The following BRIP1 variants were observed in gnomAD, a reference collection of about 807,000 sequenced individuals.
The protein encoded by BRIP1 is BRCA1 interacting DNA helicase 1, also known as Fanconi anemia group J protein.
In BRIP1, 88 loss-of-function variants were observed where a neutral mutation model predicts 119.7. The ratio of observed to expected loss-of-function variants is 0.74; its 90% CI spans 0.62 to 0.88. The LOEUF is 0.88. Ranked by LOEUF, BRIP1 falls within the 40% of genes least tolerant of loss-of-function variation. BRIP1 has a pLI of 0.00. For missense variants in BRIP1, 1,259 were observed against 1,455.4 expected (o/e 0.87, Z 2.20); for synonymous variants, 443 against 496.5 (o/e 0.89, Z 1.43).
In BRIP1 at chr17:61,832,814, A is replaced by G. The variant is rs1195882715; in HGVS notation, c.627+14287T>C. 1.3e-5 allele frequency among the ~76,000 whole-genome samples: 2 copies of G among 152,242 alleles called. No homozygotes were observed. Among genetic ancestry groups the G allele is most frequent in the Non-Finnish European group, 2.9e-5 (2 of 68,032 alleles). ...CGGTTCTGAGTATTAGATGGCAACA[A>G]TGAATCAATTTTAACTTCCTGATTC... is the stretch of plus-strand genomic sequence containing the variant. On this transcript the variant is annotated intron_variant, in intron 6 of 19. Transcript: ENST00000259008. This position sits in a 1 kb window ranked among gnomAD's most constrained non-coding sequence, Gnocchi z 5.5.
chr17:61,849,049 G>A (rs2145759106), intron 5 of BRIP1, 80 bp downstream of exon 5: 1 of 1,466,514 alleles, frequency 6.8e-7, no homozygotes, highest in Non-Finnish European at 9.5e-7. Flanking sequence ...ATCTCCACAA[G>A]TGCATTAAAA....
At chr17:61,723,383 T>A (rs1042665269) in intron 16 of BRIP1, among the ~76,000 whole-genome samples, 1 of 152,212 alleles carries the variant, frequency 6.6e-6, no homozygotes, top group Admixed American at 6.5e-5. Flanking sequence ...ATAGTTTCAA[T>A]GTGCACCACC....
chr17:61,844,720 G>C lies in BRIP1; in HGVS notation c.627+2381C>G, dbSNP rs186033530. On this transcript the variant is annotated intron_variant, in intron 6 of 19. Coordinates refer to ENST00000259008, the MANE Select transcript of BRIP1 (RefSeq NM_032043.3). This position sits in a 1 kb window ranked among gnomAD's most constrained non-coding sequence, Gnocchi z 4.7. ...TATCTTGGTGTTAGAACCCTATTTA[G>C]GTGGCTCCAGGACTGCAAAGAGGCA... Among the ~76,000 whole-genome samples the C allele has an allele frequency of 6.6e-6, 1 of 152,176 alleles. No homozygotes were observed. Among genetic ancestry groups the C allele is most frequent in the Non-Finnish European group, 1.5e-5 (1 of 68,040 alleles).
chr17:61,764,192 G>C (rs1459796054), intron 14 of BRIP1, among the ~76,000 whole-genome samples: 1 of 152,092 alleles, frequency 6.6e-6, no homozygotes, highest in Non-Finnish European at 1.5e-5. Flanking sequence ...GCATCTGTTG[G>C]GTCCCCTTGC....
chr17:61,788,389 A>C (rs1207417113), intron 10 of BRIP1, among the ~76,000 whole-genome samples: 2 of 152,300 alleles, frequency 1.3e-5, no homozygotes, highest in East Asian at 3.8e-4. Context: ...ATGTAAATGC[A>C]TGAATTCTTT....
At chr17:61,858,298 C>A (rs2078925806) in intron 3 of BRIP1, among the ~76,000 whole-genome samples, 1 of 152,002 alleles carries the variant, frequency 6.6e-6, no homozygotes, top group Non-Finnish European at 1.5e-5. Flanking sequence ...GAAGTTAGTA[C>A]CGATAAACTC....
Position 61,860,015 on chromosome 17 carries a change from G to A in BRIP1, c.94-108C>T. 1 of 757,018 alleles carries A rather than the reference G, an allele frequency of 1.3e-6. No homozygotes were observed. The highest frequency in any genetic ancestry group is 2.3e-6 in the Non-Finnish European group (1 of 431,712). The allele number at this position is 757,018 out of a possible 1,614,324, so 46.9% of individuals were successfully genotyped here. ...CAAGGAAAAGTGAGATTGCACTCCA[G>A]GGAACACAACAATAGCAGAAGGAAC... is the stretch of plus-strand genomic sequence containing the variant. On this transcript the variant is annotated intron_variant, in intron 2 of 19. Transcript: ENST00000259008. This position sits in a 1 kb window ranked among gnomAD's most constrained non-coding sequence, Gnocchi z 4.1.
At chr17:61,838,932 A>G (rs187309445) in intron 6 of BRIP1, among the ~76,000 whole-genome samples, 49 of 152,246 alleles carry the variant, frequency 3.2e-4, no homozygotes, top group African/African-American at 1.1e-3. Context: ...ATTAATACAC[A>G]TGAAACTATT....
At position 61,748,179 on chromosome 17, in the gene BRIP1, A is replaced by C. The variant is rs2077084311; in HGVS notation, c.2098-3588T>G. 6.6e-6 allele frequency among the ~76,000 whole-genome samples: 1 copy of C among 152,230 alleles called. No individual in the cohort carries two copies. Among genetic ancestry groups the C allele is most frequent in the African/African-American group, 2.4e-5 (1 of 41,456 alleles). On this transcript the variant is annotated intron_variant, in intron 14 of 19. Coordinates refer to ENST00000259008, the MANE Select transcript of BRIP1 (RefSeq NM_032043.3). The surrounding 1 kb of genome is among the most constrained non-coding windows in gnomAD (Gnocchi z 4.7). ...AGTCTCCTGTCAGATCAGCAGCAGCATTATATTCTCATAGGGGTACAAACA... is the reference window on the plus strand; with the variant it reads ...AGTCTCCTGTCAGATCAGCAGCAGCCTTATATTCTCATAGGGGTACAAACA...
Position 61,780,143 on chromosome 17 carries a change from T to A in BRIP1, c.1935+118A>T. 1 of 1,093,808 alleles carries A rather than the reference T, an allele frequency of 9.1e-7. No homozygotes were observed. The highest frequency in any genetic ancestry group is 1.4e-5 in the South Asian group (1 of 73,496). The allele number at this position is 1,093,808 out of a possible 1,614,324, so 67.8% of individuals were successfully genotyped here. Reference sequence around the variant, plus strand: ...ATTTTCTTTTATTGTAAAACTGGAATGTTGAATTTCCTACCAAGATTTACT... The same window carrying A: ...ATTTTCTTTTATTGTAAAACTGGAAAGTTGAATTTCCTACCAAGATTTACT... On this transcript the variant is annotated intron_variant, in intron 13 of 19. Coordinates refer to ENST00000259008, the MANE Select transcript of BRIP1 (RefSeq NM_032043.3). The surrounding 1 kb of genome is among the most constrained non-coding windows in gnomAD (Gnocchi z 5.4).
In BRIP1 at chr17:61,794,849, T is replaced by C. The variant is rs544941439; in HGVS notation, c.1341-1120A>G. 8.8e-6 allele frequency among the ~76,000 whole-genome samples: 1 copy of C among 113,164 alleles called. No individual in the cohort carries two copies. The highest frequency in any genetic ancestry group is 2.6e-4 in the East Asian group (1 of 3,788). The allele number at this position is 113,164 out of a possible 152,430, so 74.2% of individuals were successfully genotyped here. A position where few individuals can be genotyped will look rare whatever the true frequency, so the allele number is the denominator to read the frequency against. ...TATTCTAATAACTGAATGCAAAAAG[T>C]ATCCAGTCATGGGAGAATCAGAAGA... On this transcript the variant is annotated intron_variant, in intron 9 of 19. Coordinates refer to ENST00000259008, the MANE Select transcript of BRIP1 (RefSeq NM_032043.3). The surrounding 1 kb of genome is among the most constrained non-coding windows in gnomAD (Gnocchi z 4.3).
chr17:61,771,616 A>T (rs143031266), intron 14 of BRIP1, among the ~76,000 whole-genome samples: 1 of 152,180 alleles, frequency 6.6e-6, no homozygotes, highest in East Asian at 1.9e-4. Context: ...GCTGATGGGA[A>T]TCTAAATTAT....
rs149868841 is a variant in BRIP1 at position 61,831,140 on chromosome 17, T to C, written c.627+15961A>G. On this transcript the variant is annotated intron_variant, in intron 6 of 19. Transcript: ENST00000259008. The surrounding 1 kb of genome is among the most constrained non-coding windows in gnomAD (Gnocchi z 4.1). Reference sequence around the variant, plus strand: ...AACTTCTTTAGCCTGACAAAGGGCATAGACAGAACACCTAGCACAAATGTC... The same window carrying C: ...AACTTCTTTAGCCTGACAAAGGGCACAGACAGAACACCTAGCACAAATGTC... Among the ~76,000 whole-genome samples, 1 of 152,336 alleles carries C rather than the reference T, an allele frequency of 6.6e-6. No individual in the cohort carries two copies.
chr17:61,739,581 A>T lies in BRIP1; in HGVS notation c.2379+3432T>A, dbSNP rs2076960810. Among the ~76,000 whole-genome samples the T allele has an allele frequency of 6.6e-6, 1 of 152,204 alleles. No homozygotes were observed. The highest frequency in any genetic ancestry group is 2.1e-4 in the South Asian group (1 of 4,828). On this transcript the variant is annotated intron_variant, in intron 16 of 19. Coordinates refer to ENST00000259008, the MANE Select transcript of BRIP1 (RefSeq NM_032043.3). This position sits in a 1 kb window ranked among gnomAD's most constrained non-coding sequence, Gnocchi z 6.0. ...AATACTGCTTATTACTGTTAATGTT[A>T]CCTAAAGACTGCTACGGACTAGAAA...
In BRIP1 at chr17:61,745,022, C is replaced by A. The variant is rs1309658281; in HGVS notation, c.2098-431G>T. 6.6e-5 allele frequency among the ~76,000 whole-genome samples: 10 copies of A among 152,008 alleles called. No individual in the cohort carries two copies. The highest frequency in any genetic ancestry group is 1.9e-4 in the East Asian group (1 of 5,192). ...ACAAACTTTAAGTTCTCTCTTTAAA[C>A]CTAAGGTGAAGTTTCTTAATATTCT... On this transcript the variant is annotated intron_variant, in intron 14 of 19. Transcript: ENST00000259008. The surrounding 1 kb of genome is among the most constrained non-coding windows in gnomAD (Gnocchi z 4.4).
chr17:61,760,651 A>G lies in BRIP1; in HGVS notation c.2097+15750T>C, dbSNP rs1186930129. Among the ~76,000 whole-genome samples, 1 of 151,964 alleles carries G rather than the reference A, an allele frequency of 6.6e-6. No individual in the cohort carries two copies. The highest frequency in any genetic ancestry group is 1.5e-5 in the Non-Finnish European group (1 of 67,868). ...GGATCAAAGTGACTATTACAATTATATGCCAACAAAATAAACTGGATACCT... is the reference window on the plus strand; with the variant it reads ...GGATCAAAGTGACTATTACAATTATGTGCCAACAAAATAAACTGGATACCT... On this transcript the variant is annotated intron_variant, in intron 14 of 19. Coordinates refer to ENST00000259008, the MANE Select transcript of BRIP1 (RefSeq NM_032043.3). This position sits in a 1 kb window ranked among gnomAD's most constrained non-coding sequence, Gnocchi z 4.6.
intron 4 of BRIP1, among the ~76,000 whole-genome samples, chr17:61,854,724 A>G (rs977525619): frequency 3.5e-5 from 5 of 143,484 alleles, no homozygotes; most frequent in African/African-American, 1.3e-4. Flanking sequence ...AAAAAAAAAA[A>G]GTTAAAACAT....
In BRIP1 at chr17:61,742,316, A is replaced by G. The variant is rs767706900; in HGVS notation, c.2379+697T>C. Among the ~76,000 whole-genome samples, 6 of 152,214 alleles carry G rather than the reference A, an allele frequency of 3.9e-5. No homozygotes were observed. Among genetic ancestry groups the G allele is most frequent in the Non-Finnish European group, 5.9e-5 (4 of 68,042 alleles). On this transcript the variant is annotated intron_variant, in intron 16 of 19. Transcript: ENST00000259008. This position sits in a 1 kb window ranked among gnomAD's most constrained non-coding sequence, Gnocchi z 4.7. ...CACTAAACCTTTCTCTATATCAGTA[A>G]TAAGACTGTTTGCTTATTATTTGTA...
In BRIP1 at chr17:61,861,588, T is replaced by C. The variant is rs772848793; in HGVS notation, c.-30-19A>G. ...TTCCTAACTACAACAGAAATGAAAA[T>C]GTCAAATATTGAGACACGCCTTACA... On this transcript the variant is annotated intron_variant, in intron 1 of 19. Coordinates refer to ENST00000259008, the MANE Select transcript of BRIP1 (RefSeq NM_032043.3). This position sits in a 1 kb window ranked among gnomAD's most constrained non-coding sequence, Gnocchi z 4.5. The C allele has an allele frequency of 8.0e-6, 11 of 1,376,686 alleles. No homozygotes were observed. The highest frequency in any genetic ancestry group is 3.1e-6 in the Non-Finnish European group (3 of 964,890). 85.3% of individuals were successfully genotyped at this position (1,376,686 alleles called of 1,614,324 possible). A position where few individuals can be genotyped will look rare whatever the true frequency, so the allele number is the denominator to read the frequency against.
Sources: allele counts gnomAD v4.1 joint callset (sites outside exome capture counted in the v4.1 genomes callset), GRCh38; gene constraint gnomAD v4.1.1; non-coding constraint Gnocchi (gnomAD v3.1); transcripts MANE v1.5; gene names NCBI Gene and HGNC (gene_info 2026-07-23, HGNC 2026-07-21).